The following GARIN5A variants were observed in gnomAD, a reference collection of about 807,000 sequenced individuals.
The protein encoded by GARIN5A is golgi associated RAB2 interactor 5A.
the GARIN5A span, among the ~76,000 whole-genome samples, chr19:50,468,782 A>G: frequency 6.6e-6 from 1 of 151,752 alleles, no homozygotes; most frequent in Non-Finnish European, 1.5e-5. Flanking sequence ...TTCTATTTTT[A>G]TATAGTAGAG....
the GARIN5A span, chr19:50,467,515 C>A: frequency 7.5e-7 from 1 of 1,326,214 alleles, no homozygotes; most frequent in African/African-American, 1.5e-5. Context: ...CACCTCCCCT[C>A]TGCCCTCTGC....
chr19:50,472,158 G>GCA, the GARIN5A span, among the ~76,000 whole-genome samples: 15 of 149,298 alleles, frequency 1.0e-4, no homozygotes, highest in South Asian at 8.4e-4. Flanking sequence ...GTGTGTATAT[G>GCA]TATGTATACG....
chr19:50,476,214 C>CCG, the GARIN5A span: 2 of 1,613,702 alleles, frequency 1.2e-6, no homozygotes, highest in Non-Finnish European at 1.7e-6. Context: ...ATGTCCCCGT[C>CCG]CGACGGGAGC....
At chr19:50,474,471 G>A in the GARIN5A span, among the ~76,000 whole-genome samples, 9 of 151,460 alleles carry the variant, frequency 5.9e-5, no homozygotes, top group South Asian at 4.2e-4. Context: ...TCAGCCTCCC[G>A]AGTAGCTGGG....
chr19:50,476,439 G>A, the GARIN5A span: 2 of 1,550,692 alleles, frequency 1.3e-6, no homozygotes, highest in Non-Finnish European at 8.7e-7. Context: ...CGCAGGTGCC[G>A]GGGCCCAGCG....
chr19:50,475,811 A>C, the GARIN5A span: 1 of 1,556,604 alleles, frequency 6.4e-7, no homozygotes, highest in East Asian at 2.2e-5. Flanking sequence ...GCTGGGGATG[A>C]GGGGGTTCTG....
At chr19:50,471,940 A>AT in the GARIN5A span, among the ~76,000 whole-genome samples, 18 of 143,092 alleles carry the variant, frequency 1.3e-4, no homozygotes, top group African/African-American at 4.3e-4. Flanking sequence ...GTATGTGTGT[A>AT]AGTATATATA....
chr19:50,475,867 C>T, the GARIN5A span: 2 of 1,613,758 alleles, frequency 1.2e-6, no homozygotes, highest in African/African-American at 1.3e-5. Context: ...GGGGAAGTCC[C>T]GAAACTGGTC....
chr19:50,476,293 G>T, the GARIN5A span: 5 of 1,602,070 alleles, frequency 3.1e-6, no homozygotes, highest in Non-Finnish European at 2.6e-6. Context: ...GATGCGGAGC[G>T]GGCTTTATGA....
the GARIN5A span, among the ~76,000 whole-genome samples, chr19:50,472,243 T>TGTA: frequency 0.042 from 5,612 of 132,496 alleles, 171 homozygotes; most frequent in Middle Eastern, 0.054. Flanking sequence ...TATGTGTGTA[T>TGTA]TATATATACA....
the GARIN5A span, chr19:50,476,091 C>G: frequency 6.2e-7 from 1 of 1,610,956 alleles, no homozygotes; most frequent in Non-Finnish European, 8.5e-7. Context: ...GGTTCCTTCA[C>G]CAGGTCCAAC....
chr19:50,476,156 C>T, the GARIN5A span: 5 of 1,613,532 alleles, frequency 3.1e-6, no homozygotes, highest in Admixed American at 1.7e-5. Context: ...TTCCACCTCG[C>T]CAGCTCCACC....
the GARIN5A span, among the ~76,000 whole-genome samples, chr19:50,471,732 G>C: frequency 2.3e-5 from 2 of 86,408 alleles, no homozygotes; most frequent in East Asian, 4.0e-4. Flanking sequence ...ATACATGCAC[G>C]TGTGTGTATA....
chr19:50,476,326 G>C, the GARIN5A span: 1 of 1,589,564 alleles, frequency 6.3e-7, no homozygotes, highest in African/African-American at 1.3e-5. Flanking sequence ...GCGGGCTCCT[G>C]ATTTGTGATG....
At chr19:50,476,234 A>C in the GARIN5A span, 25 of 1,613,330 alleles carry the variant, frequency 1.5e-5, no homozygotes, top group South Asian at 2.4e-4. Context: ...CGGACGGAGG[A>C]GCAGAGGGAG....
the GARIN5A span, among the ~76,000 whole-genome samples, chr19:50,471,709 T>G: frequency 7.9e-4 from 114 of 144,464 alleles, no homozygotes; most frequent in African/African-American, 3.0e-3. Context: ...TACATGCACG[T>G]GTGTGTATAC....
chr19:50,471,836 ATC>A, the GARIN5A span, among the ~76,000 whole-genome samples: 8 of 143,574 alleles, frequency 5.6e-5, no homozygotes, highest in Admixed American at 1.3e-4. Flanking sequence ...ACGCATACAT[ATC>A]TGTGTGCATA....
the GARIN5A span, chr19:50,476,106 C>T: frequency 1.2e-6 from 2 of 1,612,130 alleles, no homozygotes; most frequent in Non-Finnish European, 1.7e-6. Flanking sequence ...TCCAACCCCT[C>T]TAGGCCTGGC....
At chr19:50,469,401 C>T in the GARIN5A span, among the ~76,000 whole-genome samples, 1 of 152,186 alleles carries the variant, frequency 6.6e-6, no homozygotes, top group East Asian at 1.9e-4. Flanking sequence ...TCTGACGGAG[C>T]CCCACAGGCC....
Sources: allele counts gnomAD v4.1 joint callset (sites outside exome capture counted in the v4.1 genomes callset), GRCh38; gene constraint gnomAD v4.1.1; transcripts MANE v1.5; gene names NCBI Gene and HGNC (gene_info 2026-07-23, HGNC 2026-07-21).